The following WDR5 variants were observed in gnomAD, a reference collection of about 807,000 sequenced individuals.
WDR5 encodes WD repeat-containing protein 5.
For synonymous variants in WDR5, 144 were observed against 161.6 expected, an observed-to-expected ratio of 0.89 and a Z score of 0.83; for missense variants, 187 against 416.9, an observed-to-expected ratio of 0.45 and a Z score of 4.80.
At chr9:134,149,070 G>C (rs1832360077) in intron 8 of WDR5, among the ~76,000 whole-genome samples, 1 of 152,130 alleles carries the variant, frequency 6.6e-6, no homozygotes, top group African/African-American at 2.4e-5. Context: ...ATCTTACTAG[G>C]ACTTCCTGCA....
At chr9:134,142,787 C>T in intron 7 of WDR5, 68 bp downstream of exon 7, 1 of 1,525,250 alleles carries the variant, frequency 6.6e-7, no homozygotes, top group South Asian at 1.1e-5. Flanking sequence ...ATGTGGCCAG[C>T]TGTCTCCCTG....
At chr9:134,135,725 G>T (rs931271847), upstream of WDR5, 2 of 152,068 alleles carry the variant, frequency 1.3e-5, no homozygotes, top group African/African-American at 4.8e-5. Flanking sequence ...GCCCCGGCCC[G>T]AATCGACTCC....
intron 7 of WDR5, among the ~76,000 whole-genome samples, chr9:134,143,890 G>A (rs1453201564): frequency 5.3e-5 from 8 of 151,568 alleles, no homozygotes; most frequent in Non-Finnish European, 1.2e-4. Flanking sequence ...ATCATAAACC[G>A]CTCCATTTCA....
At position 134,141,541 on chromosome 9, in the gene WDR5, G is replaced by A. The variant is rs142853576; in HGVS notation, c.222G>A (p.Ala74=). ...SADKLIKIWG[A]YDGKFEKTIS... ...ATAAACTTATTAAAATTTGGGGCGC[G>A]TATGATGGGAAATTTGAGAAAACCA... Residue 74 remains alanine (A), a synonymous_variant, in exon 4 of 14, where the codon GCG becomes GCA. Coordinates refer to ENST00000358625, the MANE Select transcript of WDR5 (RefSeq NM_017588.3). 2.0e-4 allele frequency: 317 copies of A among 1,614,044 alleles called. 2 individuals are homozygous for A. The highest frequency in any genetic ancestry group is 1.6e-3 in the Admixed American group (97 of 59,998).
At chr9:134,145,481 C>T (rs2132547471) in intron 7 of WDR5, among the ~76,000 whole-genome samples, 1 of 152,308 alleles carries the variant, frequency 6.6e-6, no homozygotes, top group South Asian at 2.1e-4. Context: ...CTCTGCCAGT[C>T]GCCTCTCAGT....
chr9:134,151,563 T>C (rs1316663229), intron 8 of WDR5, among the ~76,000 whole-genome samples: 1 of 152,224 alleles, frequency 6.6e-6, no homozygotes, highest in Non-Finnish European at 1.5e-5. Flanking sequence ...TACAATACTC[T>C]TAAATTTTTG....
chr9:134,142,713 C>T lies in WDR5; in HGVS notation c.522C>T (p.Val174=). 1.2e-6 allele frequency: 2 copies of T among 1,614,234 alleles called. No homozygotes were observed. Among genetic ancestry groups the T allele is most frequent in the Non-Finnish European group, 8.5e-7 (1 of 1,180,044 alleles). The change falls in exon 7 of 14, where the codon GTC becomes GTT. Residue 174 remains valine (V), a synonymous_variant. Coordinates refer to ENST00000358625, the MANE Select transcript of WDR5 (RefSeq NM_017588.3). ...LKTLPAHSDP[V]SAVHFNRDGS... The stretch of plus-strand genomic sequence containing the variant: ...CTTTGCCAGCTCACTCGGATCCAGT[C>T]TCGGCCGTAAGTCCCTCTGACACGG...
At chr9:134,140,264 C>T (rs1588168421) in intron 2 of WDR5, among the ~76,000 whole-genome samples, 1 of 152,310 alleles carries the variant, frequency 6.6e-6, no homozygotes, top group South Asian at 2.1e-4. Context: ...TCCTGACGCA[C>T]AGGCAGTTCT....
At chr9:134,137,685 A>C (rs1381719331) in intron 1 of WDR5, among the ~76,000 whole-genome samples, 5 of 108,414 alleles carry the variant, frequency 4.6e-5, no homozygotes, top group African/African-American at 1.2e-4. Flanking sequence ...AAACAAAAAC[A>C]AAAAAAAAAC....
chr9:134,154,600 G>A, intron 10 of WDR5, 59 bp downstream of exon 10: 1 of 1,569,356 alleles, frequency 6.4e-7, no homozygotes, highest in Non-Finnish European at 8.8e-7. Context: ...AGAGACACCT[G>A]CGTGCCAGCG....
At chr9:134,138,967 A>G (rs781004591) in intron 1 of WDR5, among the ~76,000 whole-genome samples, 3 of 152,194 alleles carry the variant, frequency 2.0e-5, no homozygotes, top group Non-Finnish European at 2.9e-5. Context: ...TATGAGATGT[A>G]TTGAAGTAAT....
rs148239133 is a variant in WDR5, at chr9:134,144,233, G to A, written c.528+1514G>A. Among the ~76,000 whole-genome samples, 1,368 of 152,342 alleles carry A rather than the reference G, an allele frequency of 9.0e-3. 12 individuals carry two copies. The highest frequency in any genetic ancestry group is 0.014 in the Non-Finnish European group (974 of 68,022). ...CCAGTGTCACTGCTGCGGGGAGGCC[G>A]TTTGCTGTGGGGATGGCACCATGTG... On this transcript the variant is annotated intron_variant, in intron 7 of 13. Coordinates refer to ENST00000358625, the MANE Select transcript of WDR5 (RefSeq NM_017588.3).
At chr9:134,151,700 G>C (rs28438574) in intron 8 of WDR5, among the ~76,000 whole-genome samples, 74,810 of 151,934 alleles carry the variant, frequency 0.49, 18,626 homozygotes, top group Non-Finnish European at 0.52. Context: ...CAGGCTTCCC[G>C]CTCTGTGTTG....
At position 134,159,093 on chromosome 9, in the gene WDR5, CGCCT is replaced by C. The variant is rs71644579; in HGVS notation, c.*1108_*1111del. 0.05 allele frequency: 7,647 copies of C among 152,360 alleles called. 443 individuals carry two copies. The highest frequency in any genetic ancestry group is 0.14 in the African/African-American group (5,821 of 41,282). The allele number at this position is 152,360 out of a possible 1,614,324, so 9.4% of individuals were successfully genotyped here. On this transcript the variant is annotated 3_prime_UTR_variant, in exon 14 of 14. Coordinates refer to ENST00000358625, the MANE Select transcript of WDR5 (RefSeq NM_017588.3). This position sits in a 1 kb window ranked among gnomAD's most constrained non-coding sequence, Gnocchi z 4.3. ...GCCTCGCCGTCCCTGCTGGAGCCCT[CGCCT>C]GCCTGCCCCTCTGCCTGTGCTCCTG...
chr9:134,140,005 T>C lies in WDR5; in HGVS notation c.81+47T>C, dbSNP rs781046349. The C allele has an allele frequency of 7.5e-6, 12 of 1,601,872 alleles. No homozygotes were observed. The Admixed American group carries it at 1.5e-4, about 20-fold the overall frequency. ...GGACACCTTCCGGGGGCAAATACGC[T>C]TAGAGAGTCTCGGAAACATCTCAAG... On this transcript the variant is annotated intron_variant, in intron 2 of 13. Coordinates refer to ENST00000358625, the MANE Select transcript of WDR5 (RefSeq NM_017588.3).
intron 3 of WDR5, 40 bp from the exon 4 acceptor site, chr9:134,141,470 T>C (rs1831885755): frequency 6.2e-7 from 1 of 1,602,718 alleles, no homozygotes; most frequent in Non-Finnish European, 8.5e-7. Flanking sequence ...TAGACAATTG[T>C]GTCCTGCTCT....
At chr9:134,141,653 C>A in intron 4 of WDR5, 70 bp downstream of exon 4, 2 of 1,484,208 alleles carry the variant, frequency 1.3e-6, no homozygotes, top group Non-Finnish European at 1.9e-6. Context: ...GGGGTCAGGG[C>A]TGCTTCGAGA....
chr9:134,144,442 G>C (rs1564190953), intron 7 of WDR5, among the ~76,000 whole-genome samples: 1 of 152,226 alleles, frequency 6.6e-6, no homozygotes, highest in Non-Finnish European at 1.5e-5. Flanking sequence ...AAAGAATTCT[G>C]TGAGCATCCT....
intron 9 of WDR5, 135 bp from the exon 10 acceptor site, chr9:134,154,331 T>G (rs956682071): frequency 3.5e-6 from 3 of 865,006 alleles, no homozygotes; most frequent in South Asian, 1.5e-5. Context: ...CGGCGAGGGG[T>G]GGTGGTGCTG....
Sources: allele counts gnomAD v4.1 joint callset (sites outside exome capture counted in the v4.1 genomes callset), GRCh38; gene constraint gnomAD v4.1.1; non-coding constraint Gnocchi (gnomAD v3.1); transcripts MANE v1.5; gene names NCBI Gene and HGNC (gene_info 2026-07-23, HGNC 2026-07-21).